Variants in TRAPPC9 observed in about 807,000 individuals in gnomAD.
The protein encoded by TRAPPC9 is IKK2 binding protein.
Under a neutral mutation model 124.0 loss-of-function variants are expected in TRAPPC9, and 83 were observed. The ratio of observed to expected loss-of-function variants is 0.67; its 90% CI spans 0.56 to 0.80. The LOEUF is 0.80. Ranked by LOEUF, TRAPPC9 falls within the 30% of genes least tolerant of loss-of-function variation. The probability of loss-of-function intolerance (pLI) is 0.00; values close to 1 mark genes in which losing one functional copy is unlikely to be tolerated. For synonymous variants in TRAPPC9, 638 were observed against 617.5 expected (o/e 1.03, Z -0.49); for missense variants, 1,302 against 1,508.3 (o/e 0.86, Z 2.27).
chr8:139,772,365 A>C (rs958919077), intron 21 of TRAPPC9, among the ~76,000 whole-genome samples: 3 of 152,168 alleles, frequency 2.0e-5, no homozygotes, highest in African/African-American at 7.2e-5. Flanking sequence ...GGAGAGTATT[A>C]TCCCATTTTA....
At chr8:140,023,836 T>C (rs1328333519) in intron 18 of TRAPPC9, 101 bp downstream of exon 18, 2 of 1,573,048 alleles carry the variant, frequency 1.3e-6, no homozygotes, top group Non-Finnish European at 1.7e-6. Flanking sequence ...ATGGCACGGA[T>C]CTGACGGGAT....
chr8:139,762,968 G>A (rs919237504), intron 21 of TRAPPC9, among the ~76,000 whole-genome samples: 19 of 152,202 alleles, frequency 1.2e-4, no homozygotes, highest in Non-Finnish European at 2.9e-5. Flanking sequence ...GTCTGAGAAT[G>A]AGGCTGCAGC....
At chr8:140,114,762 G>A (rs941690768) in intron 17 of TRAPPC9, among the ~76,000 whole-genome samples, 33 of 152,178 alleles carry the variant, frequency 2.2e-4, no homozygotes, top group Non-Finnish European at 1.0e-4. Flanking sequence ...AGCCTCCTCG[G>A]AAACAGAAAA....
At chr8:139,926,781 G>A (rs1832846313) in intron 19 of TRAPPC9, among the ~76,000 whole-genome samples, 1 of 151,996 alleles carries the variant, frequency 6.6e-6, no homozygotes, top group Admixed American at 6.6e-5. Flanking sequence ...AGGTAACTGG[G>A]GAGAGGGTAA....
At chr8:139,852,803 G>C (rs1232026695) in intron 21 of TRAPPC9, among the ~76,000 whole-genome samples, 1 of 152,148 alleles carries the variant, frequency 6.6e-6, no homozygotes, top group Non-Finnish European at 1.5e-5. Flanking sequence ...TCTGATTGAT[G>C]ACATGAAAAG....
intron 17 of TRAPPC9, among the ~76,000 whole-genome samples, chr8:140,136,822 T>C (rs1310807409): frequency 2.0e-5 from 3 of 152,092 alleles, no homozygotes; most frequent in Non-Finnish European, 2.9e-5. Context: ...TGCCACACCC[T>C]GGGTACAGCC....
chr8:140,213,376 C>A (rs1174259239), intron 17 of TRAPPC9, among the ~76,000 whole-genome samples: 2 of 152,152 alleles, frequency 1.3e-5, no homozygotes, highest in African/African-American at 4.8e-5. Flanking sequence ...TCTATAAAAT[C>A]TGTGTTATGC....
Position 140,018,324 on chromosome 8 carries a change from A to ATTTTTTCTTTTTTTTTTTTT in TRAPPC9, c.2699+5612_2699+5613insAAAAAAAAAAAAAGAAAAAA, listed in dbSNP as rs765656679. On this transcript the variant is annotated intron_variant, in intron 18 of 22. Coordinates refer to ENST00000438773, the MANE Select transcript of TRAPPC9 (RefSeq NM_001160372.4). ...TTGCTGGTATATAGAAACGTAAGTG[A>ATTTTTTCTTTTTTTTTTTTT]TTTTTTTTTTTTTTTTTGAGACGGA... is the stretch of plus-strand genomic sequence containing the variant. Among the ~76,000 whole-genome samples the ATTTTTTCTTTTTTTTTTTTT allele has an allele frequency of 1.0e-3, 122 of 119,766 alleles. 27 individuals are homozygous for ATTTTTTCTTTTTTTTTTTTT. The highest frequency in any genetic ancestry group is 2.0e-3 in the African/African-American group (60 of 30,682). The allele number at this position is 119,766 out of a possible 152,430, so 78.6% of individuals were successfully genotyped here.
intron 19 of TRAPPC9, among the ~76,000 whole-genome samples, chr8:139,954,478 A>T (rs1834854564): frequency 6.6e-6 from 1 of 152,184 alleles, no homozygotes; most frequent in Non-Finnish European, 1.5e-5. Flanking sequence ...GAGATGCCAG[A>T]CAGCTTGCCT....
chr8:140,421,389 T>C (rs1163963742), intron 5 of TRAPPC9, among the ~76,000 whole-genome samples: 1 of 152,188 alleles, frequency 6.6e-6, no homozygotes, highest in Non-Finnish European at 1.5e-5. Context: ...TCAAATCTAG[T>C]TAACGAATTT....
At chr8:140,289,173 TAGTGTGTG>T (rs761962001) in intron 12 of TRAPPC9, among the ~76,000 whole-genome samples, 5 of 110,466 alleles carry the variant, frequency 4.5e-5, no homozygotes, top group Non-Finnish European at 9.2e-5. Context: ...GATATATATA[TAGTGTGTG>T]TGTGTGTGTG....
At chr8:139,956,227 T>A (rs1329365919) in intron 19 of TRAPPC9, among the ~76,000 whole-genome samples, 2 of 151,714 alleles carry the variant, frequency 1.3e-5, no homozygotes, top group African/African-American at 2.4e-5. Context: ...AGTGGTGTGA[T>A]CTCGGCTCAC....
chr8:139,738,683 C>T (rs1818357968), intron 21 of TRAPPC9, among the ~76,000 whole-genome samples: 1 of 152,224 alleles, frequency 6.6e-6, no homozygotes, highest in African/African-American at 2.4e-5. Context: ...AAGCCACTAA[C>T]CTTGTGGTCA....
chr8:139,988,787 C>T lies in TRAPPC9; in HGVS notation c.2749G>A (p.Glu917Lys). 1 of 1,551,552 alleles carries T rather than the reference C, an allele frequency of 6.4e-7. No homozygotes were observed. Among genetic ancestry groups the T allele is most frequent in the Non-Finnish European group, 8.7e-7 (1 of 1,146,984 alleles). The change falls in exon 19 of 23, where the codon GAG becomes AAG. Residue 917 changes from glutamate (E) to lysine (K), a missense_variant. Physicochemically the swap from Glu to Lys is moderately conservative, Grantham distance 56. Coordinates refer to ENST00000438773, the MANE Select transcript of TRAPPC9 (RefSeq NM_001160372.4). ...CTGCTCCTGGTGCTGACGGTCAGCT[C>T]ATGCTCGGTGGAGTTGAAGACATCC... ...LLDVFNSTEH[E>K]LTVSTRSSEA...
chr8:139,890,102 G>A (rs913026579), intron 20 of TRAPPC9, among the ~76,000 whole-genome samples: 5 of 152,246 alleles, frequency 3.3e-5, no homozygotes, highest in African/African-American at 9.6e-5. Context: ...AGGAAGCAGC[G>A]CCCTGCAGCT....
chr8:139,958,598 C>G (rs1019777906), intron 19 of TRAPPC9, among the ~76,000 whole-genome samples: 1 of 152,202 alleles, frequency 6.6e-6, no homozygotes, highest in Non-Finnish European at 1.5e-5. Flanking sequence ...AAAAGAGACC[C>G]ACGCTCTTCT....
At chr8:140,173,183 C>T (rs530995566) in intron 17 of TRAPPC9, among the ~76,000 whole-genome samples, 1 of 152,286 alleles carries the variant, frequency 6.6e-6, no homozygotes, top group East Asian at 1.9e-4. Flanking sequence ...AAGACTACTA[C>T]AAGAATTACC....
At chr8:140,401,154 T>C (rs1418490922) in intron 6 of TRAPPC9, among the ~76,000 whole-genome samples, 4 of 152,192 alleles carry the variant, frequency 2.6e-5, no homozygotes, top group African/African-American at 9.6e-5. Context: ...AGTGGCCTGG[T>C]GTGGCATCAC....
rs562417416 is a variant in TRAPPC9 at position 140,425,885 on chromosome 8, G to A, written c.886+730C>T. 7.9e-5 allele frequency among the ~76,000 whole-genome samples: 12 copies of A among 152,218 alleles called. No individual in the cohort carries two copies. The South Asian group carries it at 1.9e-3, about 24-fold the overall frequency. ...AAACTCCATCAGGAAACTTAGCCAC[G>A]GCCTAGAGAAAGGAGTGAACGCAAA... On this transcript the variant is annotated intron_variant, in intron 5 of 22. Coordinates refer to ENST00000438773, the MANE Select transcript of TRAPPC9 (RefSeq NM_001160372.4).
Sources: allele counts gnomAD v4.1 joint callset (sites outside exome capture counted in the v4.1 genomes callset), GRCh38; gene constraint gnomAD v4.1.1; transcripts MANE v1.5; gene names NCBI Gene and HGNC (gene_info 2026-07-23, HGNC 2026-07-21).